IL13RA2: variants seen among roughly 807,000 people sequenced by gnomAD.
IL13RA2 encodes the protein interleukin 13 receptor subunit alpha 2.
IL13RA2 carries 25 observed loss-of-function variants against 34.1 expected under a neutral mutation model. The observed-to-expected ratio is 0.73, with a 90% CI of 0.53 to 1.03. The LOEUF is 1.03. Ranked by LOEUF, IL13RA2 falls within the 50% of genes least tolerant of loss-of-function variation. The pLI, the probability that IL13RA2 is intolerant of heterozygous loss-of-function variation, is 0.00. For synonymous variants in IL13RA2, 106 were observed against 100.4 expected (o/e 1.06, Z -0.33); for missense variants, 297 against 280.9 (o/e 1.06, Z -0.41).
chrX:115,014,165 A>G (rs2071717483), intron 4 of IL13RA2, among the ~76,000 whole-genome samples: 1 of 111,941 alleles, frequency 8.9e-6, no homozygotes. Context: ...AGATGAGCAA[A>G]TACTCATGAA....
At chrX:115,012,679 C>T (rs2071710425) in intron 5 of IL13RA2, among the ~76,000 whole-genome samples, 2 of 110,396 alleles carry the variant, frequency 1.8e-5, no homozygotes, top group African/African-American at 3.3e-5. Context: ...GCATGAGAAT[C>T]GCTTGAACCC....
At chrX:115,013,915 T>A in intron 4 of IL13RA2, 26 bp from the exon 5 acceptor site, 1 of 989,847 alleles carries the variant, frequency 1.0e-6, no homozygotes, top group Non-Finnish European at 1.4e-6. Context: ...ACTGTGAATG[T>A]TTGAAAGGCT....
intron 6 of IL13RA2, among the ~76,000 whole-genome samples, chrX:115,009,918 G>T (rs1446835851): frequency 3.6e-5 from 4 of 111,961 alleles, no homozygotes; most frequent in African/African-American, 1.3e-4. Flanking sequence ...CAAGAGAAAA[G>T]TTCGAAGACC....
Position 115,010,626 on chromosome X carries a change from T to A in IL13RA2, c.706+18A>T, listed in dbSNP as rs782815506. 1.4e-6 allele frequency: 1 copy of A among 711,358 alleles called. No homozygotes were observed. The highest frequency in any genetic ancestry group is 3.5e-5 in the East Asian group (1 of 28,234). 58.6% of individuals were successfully genotyped at this position (711,358 alleles called of 1,213,427 possible). A position where few individuals can be genotyped will look rare whatever the true frequency, so the allele number is the denominator to read the frequency against. On this transcript the variant is annotated intron_variant, in intron 6 of 9. Coordinates refer to ENST00000243213, the MANE Select transcript of IL13RA2 (RefSeq NM_000640.3). ...ACTAGAAACAATGAATTTGAAGTTG[T>A]TTGTTGGTTTACATCACCTATATTT...
chrX:115,011,498 A>G (rs1186103083), intron 5 of IL13RA2, among the ~76,000 whole-genome samples: 1 of 112,298 alleles, frequency 8.9e-6, no homozygotes, highest in Admixed American at 9.4e-5. Flanking sequence ...TAAATTCGAA[A>G]GCAACAAATG....
Position 115,010,663 on chromosome X carries a change from A to G in IL13RA2, c.687T>C (p.Thr229=). The change falls in exon 6 of 10, where the codon ACT becomes ACC. Residue 229 remains threonine, a synonymous_variant. Transcript: ENST00000243213. ...ENKPIRSSYF[T]FQLQNIVKPL... ...CATCACCTATATTTTGAAGCTGAAA[A>G]GTGAAATAACTGGATCTGATAGGCT... is the stretch of plus-strand genomic sequence containing the variant. 1.0e-6 allele frequency: 1 copy of G among 967,892 alleles called. No individual in the cohort carries two copies. Among genetic ancestry groups the G allele is most frequent in the South Asian group, 2.3e-5 (1 of 44,311 alleles). 79.8% of individuals were successfully genotyped at this position (967,892 alleles called of 1,213,427 possible). A position where few individuals can be genotyped will look rare whatever the true frequency, so the allele number is the denominator to read the frequency against.
At chrX:115,006,591 G>A (rs1292625762) in intron 8 of IL13RA2, among the ~76,000 whole-genome samples, 1 of 111,060 alleles carries the variant, frequency 9.0e-6, no homozygotes, top group Non-Finnish European at 1.9e-5. Context: ...GCTGAGGCAC[G>A]AGAATCGCTT....
chrX:115,008,625 T>C (rs1490820243), intron 7 of IL13RA2, among the ~76,000 whole-genome samples: 1 of 112,072 alleles, frequency 8.9e-6, no homozygotes, highest in African/African-American at 3.2e-5. Context: ...AAAACCTGTA[T>C]AACAGTGCTC....
At position 115,007,861 on chromosome X, in the gene IL13RA2, A is replaced by T. The variant is rs17095886; in HGVS notation, c.997+71T>A. The T allele has an allele frequency of 7.6e-4, 497 of 657,856 alleles. 2 individuals carry two copies. In the African/African-American group the frequency reaches 9.7e-3, roughly 13 times the overall value. 54.2% of individuals were successfully genotyped at this position (657,856 alleles called of 1,213,427 possible). On this transcript the variant is annotated intron_variant, in intron 8 of 9. Coordinates refer to ENST00000243213, the MANE Select transcript of IL13RA2 (RefSeq NM_000640.3). ...AAGTCCTTCACTTCTGTAATTACAAAATACACCAAAAGAAAATTAATTTTG... is the reference window on the plus strand; with the variant it reads ...AAGTCCTTCACTTCTGTAATTACAATATACACCAAAAGAAAATTAATTTTG...
chrX:115,005,992 A>G (rs1005960167), intron 8 of IL13RA2, among the ~76,000 whole-genome samples: 2 of 111,963 alleles, frequency 1.8e-5, no homozygotes, highest in Admixed American at 1.9e-4. Context: ...TTTTGGAGTA[A>G]TATAAAAGAT....
At position 115,014,462 on chromosome X, in the gene IL13RA2, T is replaced by A; in HGVS notation, c.359A>T (p.Gln120Leu). Residue 120 changes from glutamine (Q) to leucine (L), a missense_variant, in exon 4 of 10, where the codon CAA becomes CTA. By Grantham distance (113) the Gln-to-Leu change is moderately radical (BLOSUM62 -2). Transcript: ENST00000243213. ...PWQCTNGSEV[Q>L]SSWAETTYWI... ...ATAAGTAGTTTCTGCCCAGGAACTT[T>A]GAACTTCTGATCCATTTGTGCATTG... 1 of 1,193,570 alleles carries A rather than the reference T, an allele frequency of 8.4e-7. No homozygotes were observed. Among genetic ancestry groups the A allele is most frequent in the African/African-American group, 1.7e-5 (1 of 57,590 alleles).
At position 115,015,825 on chromosome X, in the gene IL13RA2, A is replaced by T; in HGVS notation, c.95-4T>A. The T allele has an allele frequency of 8.9e-7, 1 of 1,127,242 alleles. No individual in the cohort carries two copies. Among genetic ancestry groups the T allele is most frequent in the African/African-American group, 1.8e-5 (1 of 56,012 alleles). 92.9% of individuals were successfully genotyped at this position (1,127,242 alleles called of 1,213,427 possible). On this transcript the variant is annotated splice_polypyrimidine_tract_variant and splice_region_variant and intron_variant, in intron 2 of 9. Transcript: ENST00000243213. ...TCAAAATCCTGAGGAGGGTTAACTG[A>T]AATAAATCAATAAAACACTTTTATT... is the stretch of plus-strand genomic sequence containing the variant.
chrX:115,016,706 A>G (rs1222813160), intron 2 of IL13RA2, among the ~76,000 whole-genome samples: 1 of 106,321 alleles, frequency 9.4e-6, no homozygotes, highest in East Asian at 2.8e-4. Context: ...ATAAAACATT[A>G]ACATTATATT....
At position 115,010,788 on chromosome X, in the gene IL13RA2, T is replaced by C. The variant is rs1556508638; in HGVS notation, c.562A>G (p.Ile188Val). Reference sequence around the variant, plus strand: ...CCTATATTTTGTCCATCAGCCTTGATGTAATCAACACACTGTAATGCATGA... The same window carrying C: ...CCTATATTTTGTCCATCAGCCTTGACGTAATCAACACACTGTAATGCATGA... Reference protein sequence around the residue: ...LDHALQCVDYIKADGQNIGCR... With the variant: ...LDHALQCVDYVKADGQNIGCR... The change falls in exon 6 of 10, where the codon ATC becomes GTC. Residue 188 changes from isoleucine (I) to valine (V), a missense_variant. Transcript: ENST00000243213. 5.3e-6 allele frequency: 6 copies of C among 1,137,971 alleles called. No homozygotes were observed. In the Admixed American group the frequency reaches 1.4e-4, roughly 27 times the overall value. The allele number at this position is 1,137,971 out of a possible 1,213,427, so 93.8% of individuals were successfully genotyped here.
chrX:115,009,398 T>C, intron 7 of IL13RA2, 123 bp downstream of exon 7: 1 of 487,028 alleles, frequency 2.1e-6, no homozygotes, highest in Non-Finnish European at 3.4e-6. Flanking sequence ...TTCTGGAAAT[T>C]GAACTAAGAT....
At chrX:115,004,981 C>T (rs782333874) in intron 9 of IL13RA2, among the ~76,000 whole-genome samples, 6 of 112,597 alleles carry the variant, frequency 5.3e-5, no homozygotes, top group African/African-American at 1.9e-4. Flanking sequence ...AGTTTGATTT[C>T]GACAAAAGTA....
intron 8 of IL13RA2, among the ~76,000 whole-genome samples, chrX:115,007,171 G>A (rs5987840): frequency 0.094 from 10,450 of 111,397 alleles, 1,217 homozygotes; most frequent in African/African-American, 0.32. Flanking sequence ...TGATACCACT[G>A]TATTCGTAGG....
intron 5 of IL13RA2, among the ~76,000 whole-genome samples, chrX:115,012,474 A>T (rs782436227): frequency 5.0e-4 from 56 of 111,724 alleles, no homozygotes; most frequent in African/African-American, 1.7e-3. Context: ...ATAAAAAAAA[A>T]TAGTTCAAGG....
chrX:115,017,495 C>T, intron 1 of IL13RA2, 58 bp downstream of exon 1: 1 of 320,133 alleles, frequency 3.1e-6, no homozygotes, highest in Non-Finnish European at 5.4e-6. Flanking sequence ...GGATTCTAGT[C>T]TCATCCTGCT....
Sources: allele counts gnomAD v4.1 joint callset (sites outside exome capture counted in the v4.1 genomes callset), GRCh38; gene constraint gnomAD v4.1.1; transcripts MANE v1.5; gene names NCBI Gene and HGNC (gene_info 2026-07-23, HGNC 2026-07-21).